Variants in FER1L6 observed in about 807,000 individuals in gnomAD.
The protein encoded by FER1L6 is fer-1-like protein 6.
FER1L6 carries 177 observed loss-of-function variants against 219.2 expected under a neutral mutation model. The ratio of observed to expected loss-of-function variants is 0.81; its 90% CI spans 0.71 to 0.91. FER1L6 has a LOEUF of 0.91. Ranked by LOEUF, FER1L6 falls within the 40% of genes least tolerant of loss-of-function variation. The pLI is 0.00. For missense variants in FER1L6, 2,153 were observed against 2,259.9 expected (o/e 0.95, Z 0.96); for synonymous variants, 768 against 824.3 (o/e 0.93, Z 1.17).
chr8:124,023,900 GT>G (rs36091040), intron 18 of FER1L6, among the ~76,000 whole-genome samples: 77,054 of 134,890 alleles, frequency 0.57, 21,021 homozygotes, highest in African/African-American at 0.73. Flanking sequence ...GAACCTTAAG[GT>G]TTTTTTTTTT....
chr8:124,076,322 G>A lies in FER1L6; in HGVS notation c.4217G>A (p.Gly1406Glu). The stretch of plus-strand genomic sequence containing the variant: ...CCTAAACAACTGAACCCAGTATTTG[G>A]AAGGTCAGTGGCCATCTGGGCTGTG... Reference protein sequence around the residue: ...YIPKQLNPVFGRSFEIQATFP... With the variant: ...YIPKQLNPVFERSFEIQATFP... Residue 1406 changes from glycine (G) to glutamate (E), a missense_variant, in exon 32 of 41, where the codon GGA (glycine) becomes GAA (glutamate). Gly to Glu is a moderately conservative substitution (Grantham distance 98). Coordinates refer to ENST00000522917, the MANE Select transcript of FER1L6 (RefSeq NM_001039112.2). 1 of 1,613,430 alleles carries A rather than the reference G, an allele frequency of 6.2e-7. No individual in the cohort carries two copies.
chr8:124,046,083 A>C, intron 21 of FER1L6, 182 bp downstream of exon 21: 1 of 580,328 alleles, frequency 1.7e-6, no homozygotes, highest in Non-Finnish European at 2.8e-6. Flanking sequence ...GGTGATGATC[A>C]TTTGCTTTAC....
intron 21 of FER1L6, among the ~76,000 whole-genome samples, chr8:124,049,292 T>G (rs1186845972): frequency 6.6e-6 from 1 of 152,122 alleles, no homozygotes; most frequent in Non-Finnish European, 1.5e-5. Flanking sequence ...ATGATACACC[T>G]GCCACGGCCT....
chr8:124,035,183 A>T, intron 18 of FER1L6, 94 bp from the exon 19 acceptor site: 2 of 1,288,680 alleles, frequency 1.6e-6, no homozygotes, highest in Non-Finnish European at 2.2e-6. Context: ...ACATACTTCC[A>T]GGTGTGTCTC....
chr8:124,088,938 C>G (rs12541155), intron 33 of FER1L6, among the ~76,000 whole-genome samples: 126,086 of 151,796 alleles, frequency 0.83, 52,512 homozygotes, highest in Non-Finnish European at 0.86. Context: ...TCCTGGGCCT[C>G]TGAACTGTGC....
At position 123,975,138 on chromosome 8, in the gene FER1L6, G is replaced by A. The variant is rs777818659; in HGVS notation, c.527-12G>A. 1.3e-6 allele frequency: 2 copies of A among 1,578,758 alleles called. No individual in the cohort carries two copies. Among genetic ancestry groups the A allele is most frequent in the Non-Finnish European group, 1.7e-6 (2 of 1,159,428 alleles). ...TCTGTGAAGGATGTGAGCTGTCAGGGTGCTTTCACAGGTCATCAGTTCTGC... is the reference window on the plus strand; with the variant it reads ...TCTGTGAAGGATGTGAGCTGTCAGGATGCTTTCACAGGTCATCAGTTCTGC... On this transcript the variant is annotated splice_polypyrimidine_tract_variant and intron_variant, in intron 7 of 40. Transcript: ENST00000522917.
chr8:123,973,652 T>C (rs1253523057), intron 7 of FER1L6, 140 bp downstream of exon 7: 5 of 695,282 alleles, frequency 7.2e-6, no homozygotes, highest in Admixed American at 2.3e-5. Context: ...GAATGAGACA[T>C]AACTCTTGCC....
intron 1 of FER1L6, among the ~76,000 whole-genome samples, chr8:123,904,818 T>C (rs1257520689): frequency 6.6e-6 from 1 of 152,194 alleles, no homozygotes; most frequent in Non-Finnish European, 1.5e-5. Flanking sequence ...ATGGCACAGG[T>C]ACAGTAGTAT....
intron 1 of FER1L6, among the ~76,000 whole-genome samples, chr8:123,855,738 ATGTG>A (rs1461301176): frequency 1.4e-5 from 2 of 146,218 alleles, no homozygotes; most frequent in African/African-American, 2.5e-5. Flanking sequence ...TATACGTAAT[ATGTG>A]TGTATGTGTG....
At chr8:123,866,675 G>T (rs1420371934) in intron 1 of FER1L6, among the ~76,000 whole-genome samples, 1 of 152,188 alleles carries the variant, frequency 6.6e-6, no homozygotes, top group Non-Finnish European at 1.5e-5. Flanking sequence ...CTCGAGTGCA[G>T]TGGTGCTATC....
chr8:124,007,214 C>T (rs564666620), intron 13 of FER1L6, among the ~76,000 whole-genome samples: 4 of 152,254 alleles, frequency 2.6e-5, no homozygotes, highest in African/African-American at 7.2e-5. Context: ...GAATAACCAT[C>T]CATTCTTTCA....
intron 1 of FER1L6, among the ~76,000 whole-genome samples, chr8:123,894,005 C>A (rs775834325): frequency 6.6e-6 from 1 of 152,136 alleles, no homozygotes; most frequent in East Asian, 1.9e-4. Context: ...GATCATCAGC[C>A]AGATTTCCAG....
At position 123,853,451 on chromosome 8, in the gene FER1L6, G is replaced by C. The variant is rs568932796; in HGVS notation, c.-8+1266G>C. ...ATTATAGGCGTGAGCCACCGTACCC[G>C]GCCTAAAATAGAAGAAATCATTTTT... On this transcript the variant is annotated intron_variant, in intron 1 of 40. Coordinates refer to ENST00000522917, the MANE Select transcript of FER1L6 (RefSeq NM_001039112.2). The surrounding 1 kb of genome is among the most constrained non-coding windows in gnomAD (Gnocchi z 6.6). Among the ~76,000 whole-genome samples the C allele has an allele frequency of 1.3e-5, 2 of 152,104 alleles. No individual in the cohort carries two copies. The highest frequency in any genetic ancestry group is 3.9e-4 in the East Asian group (2 of 5,194).
chr8:124,006,699 A>G (rs1194476205), intron 13 of FER1L6, among the ~76,000 whole-genome samples: 1 of 151,712 alleles, frequency 6.6e-6, no homozygotes, highest in Non-Finnish European at 1.5e-5. Context: ...TCATGTGATG[A>G]CCCAAAGTCA....
At chr8:124,057,429 T>C (rs60163182) in intron 22 of FER1L6, among the ~76,000 whole-genome samples, 3,784 of 152,286 alleles carry the variant, frequency 0.025, 141 homozygotes, top group African/African-American at 0.087. Flanking sequence ...AGTTTTACTA[T>C]GTTGTAATAA....
intron 1 of FER1L6, among the ~76,000 whole-genome samples, chr8:123,917,316 G>A (rs1813217955): frequency 6.6e-6 from 1 of 152,190 alleles, no homozygotes; most frequent in Non-Finnish European, 1.5e-5. Context: ...ATGAGACATC[G>A]AGAGGGAAAG....
Position 124,070,552 on chromosome 8 carries a change from A to G in FER1L6, c.3920A>G (p.Glu1307Gly). 1 of 1,611,006 alleles carries G rather than the reference A, an allele frequency of 6.2e-7. No individual in the cohort carries two copies. Among genetic ancestry groups the G allele is most frequent in the Admixed American group, 1.7e-5 (1 of 59,260 alleles). Residue 1307 changes from glutamate (E) to glycine (G), a missense_variant, in exon 30 of 41, where the codon GAA becomes GGA. Physicochemically the swap from Glu to Gly is moderately conservative, Grantham distance 98 (BLOSUM62 -2). Transcript: ENST00000522917. ...GAGCTCTTCAGAGGCAAGTCTACGG[A>G]AGATGACCATGGTCTTGATGGAGAC... ...TFELFRGKST[E>G]DDHGLDGDRV...
chr8:124,060,491 C>G, intron 23 of FER1L6, 57 bp from the exon 24 acceptor site: 1 of 1,595,950 alleles, frequency 6.3e-7, no homozygotes, highest in Non-Finnish European at 8.6e-7. Context: ...AGAGCCAGGG[C>G]AGGTGTGGGG....
intron 1 of FER1L6, among the ~76,000 whole-genome samples, chr8:123,868,962 A>T (rs930147430): frequency 6.6e-6 from 1 of 152,164 alleles, no homozygotes; most frequent in African/African-American, 2.4e-5. Context: ...GTGAGCTGTC[A>T]TCTATCAGGT....
Sources: allele counts gnomAD v4.1 joint callset (sites outside exome capture counted in the v4.1 genomes callset), GRCh38; gene constraint gnomAD v4.1.1; non-coding constraint Gnocchi (gnomAD v3.1); transcripts MANE v1.5; gene names NCBI Gene and HGNC (gene_info 2026-07-23, HGNC 2026-07-21).